RPS6KC1: variants seen among roughly 807,000 people sequenced by gnomAD.
RPS6KC1 encodes the protein inactive ribosomal protein S6 kinase delta-1.
Under a neutral mutation model 103.8 loss-of-function variants are expected in RPS6KC1, and 54 were observed. The observed-to-expected ratio is 0.52, with a 90% CI of 0.42 to 0.65. The LOEUF is 0.65. Among genes scored for constraint, RPS6KC1 ranks in the 30% least tolerant of loss-of-function variants. The probability of loss-of-function intolerance (pLI) is 0.00; values close to 1 mark genes in which losing one functional copy is unlikely to be tolerated. For synonymous variants in RPS6KC1, 439 were observed against 438.7 expected (o/e 1.00, Z -0.01); for missense variants, 1,151 against 1,253.8 (o/e 0.92, Z 1.24).
chr1:213,077,731 A>G lies in RPS6KC1; in HGVS notation c.177A>G (p.Lys59=), dbSNP rs767730529. 2.0e-6 allele frequency: 3 copies of G among 1,512,278 alleles called. No homozygotes were observed. The highest frequency in any genetic ancestry group is 1.7e-4 in the Middle Eastern group (1 of 5,844). 93.7% of individuals were successfully genotyped at this position (1,512,278 alleles called of 1,614,324 possible). A position where few individuals can be genotyped will look rare whatever the true frequency, so the allele number is the denominator to read the frequency against. ...IVWKRYSDFK[K]LHKELWQIHK... is the part of the protein sequence containing the mutation. ...GGAAGAGATACAGTGATTTTAAGAA[A>G]CTACACAAAGAACTATGGCAAATTC... Residue 59 remains lysine, a synonymous_variant, in exon 3 of 15, where the codon AAA becomes AAG. Transcript: ENST00000366960.
chr1:213,739,169 C>T, the RPS6KC1 span, among the ~76,000 whole-genome samples: 6 of 151,980 alleles, frequency 3.9e-5, no homozygotes, highest in South Asian at 4.2e-4. Context: ...AGTGTGAAGG[C>T]GATGAGAATA....
At chr1:213,698,045 T>C in the RPS6KC1 span, among the ~76,000 whole-genome samples, 1 of 152,202 alleles carries the variant, frequency 6.6e-6, no homozygotes, top group Non-Finnish European at 1.5e-5. Flanking sequence ...AGTTTTTCAT[T>C]GTACAGACCA....
At chr1:213,310,007 A>G in the RPS6KC1 span, among the ~76,000 whole-genome samples, 1 of 152,052 alleles carries the variant, frequency 6.6e-6, no homozygotes, top group Non-Finnish European at 1.5e-5. Context: ...GTCATTCCCC[A>G]CATTCCACCT....
intron 6 of RPS6KC1, among the ~76,000 whole-genome samples, chr1:213,163,407 T>C (rs1279150258): frequency 6.6e-6 from 1 of 152,214 alleles, no homozygotes; most frequent in Non-Finnish European, 1.5e-5. Flanking sequence ...GGGGATTAAC[T>C]TCTGTGCATG....
At chr1:213,254,906 G>T (rs534368631) in intron 12 of RPS6KC1, among the ~76,000 whole-genome samples, 17 of 152,248 alleles carry the variant, frequency 1.1e-4, no homozygotes, top group South Asian at 2.1e-4. Context: ...GAATGTAGCG[G>T]TAGGGAATGG....
At chr1:213,250,548 T>G (rs1318715255) in intron 12 of RPS6KC1, among the ~76,000 whole-genome samples, 1 of 152,206 alleles carries the variant, frequency 6.6e-6, no homozygotes, top group Non-Finnish European at 1.5e-5. Flanking sequence ...CAGGCTCTAG[T>G]TAGTCTATCA....
the RPS6KC1 span, among the ~76,000 whole-genome samples, chr1:213,756,949 T>G: frequency 1.3e-5 from 2 of 152,186 alleles, no homozygotes; most frequent in African/African-American, 4.8e-5. Flanking sequence ...TATAGTGATC[T>G]GCAATCAGTG....
the RPS6KC1 span, among the ~76,000 whole-genome samples, chr1:213,601,838 C>T: frequency 1.3e-5 from 2 of 151,944 alleles, no homozygotes; most frequent in African/African-American, 4.8e-5. Flanking sequence ...ATAAAACTTC[C>T]AGTCTTTATT....
At chr1:213,678,806 GACTAA>G in the RPS6KC1 span, among the ~76,000 whole-genome samples, 2 of 152,320 alleles carry the variant, frequency 1.3e-5, no homozygotes, top group African/African-American at 4.8e-5. Flanking sequence ...GAGTCACGCT[GACTAA>G]ACTAACGAAT....
the RPS6KC1 span, among the ~76,000 whole-genome samples, chr1:213,297,305 T>C: frequency 6.6e-6 from 1 of 152,174 alleles, no homozygotes; most frequent in Non-Finnish European, 1.5e-5. Context: ...ACTAGGGCCA[T>C]ACTAGCATGT....
chr1:213,822,826 G>A, the RPS6KC1 span, among the ~76,000 whole-genome samples: 1 of 152,064 alleles, frequency 6.6e-6, no homozygotes. Context: ...AGTTTCCTGG[G>A]GTTGTTTCCT....
chr1:213,155,228 T>C (rs1019953253), intron 6 of RPS6KC1, among the ~76,000 whole-genome samples: 1 of 152,062 alleles, frequency 6.6e-6, no homozygotes, highest in Admixed American at 6.6e-5. Flanking sequence ...AAGGGAGTGG[T>C]GATGCCAGCC....
At chr1:213,359,653 G>A in the RPS6KC1 span, among the ~76,000 whole-genome samples, 7 of 70,282 alleles carry the variant, frequency 1.0e-4, no homozygotes, top group Admixed American at 1.0e-3. Flanking sequence ...TCCTAGCATC[G>A]ATGGTCTTTA....
At chr1:213,190,683 T>G (rs1027321931) in intron 8 of RPS6KC1, among the ~76,000 whole-genome samples, 2 of 152,242 alleles carry the variant, frequency 1.3e-5, no homozygotes, top group Admixed American at 6.5e-5. Flanking sequence ...ATTTTTGCTT[T>G]GGTTGCCTGC....
the RPS6KC1 span, among the ~76,000 whole-genome samples, chr1:213,539,039 A>C: frequency 1.3e-5 from 2 of 152,210 alleles, no homozygotes; most frequent in Non-Finnish European, 2.9e-5. Context: ...GCTCTTTTGC[A>C]ATGTTGGGTA....
the RPS6KC1 span, among the ~76,000 whole-genome samples, chr1:213,363,604 C>CTT: frequency 4.5e-4 from 38 of 85,172 alleles, 6 homozygotes; most frequent in African/African-American, 2.2e-3. Flanking sequence ...CTTGCTCGCT[C>CTT]GCTTGCTTGC....
the RPS6KC1 span, among the ~76,000 whole-genome samples, chr1:213,640,483 G>C: frequency 5.1e-4 from 77 of 150,818 alleles, no homozygotes; most frequent in African/African-American, 1.8e-3. Flanking sequence ...TCCTCAAGTG[G>C]AAGCTTAGAT....
At chr1:213,172,046 A>T (rs1372393365) in intron 7 of RPS6KC1, among the ~76,000 whole-genome samples, 1 of 152,196 alleles carries the variant, frequency 6.6e-6, no homozygotes, top group Non-Finnish European at 1.5e-5. Context: ...AAGTAACCGT[A>T]TTCTAAATGT....
chr1:213,789,295 G>A, the RPS6KC1 span, among the ~76,000 whole-genome samples: 8 of 151,992 alleles, frequency 5.3e-5, no homozygotes, highest in African/African-American at 7.2e-5. Flanking sequence ...CCCTAACTCC[G>A]GCACCTTGGA....
Sources: gnomAD v4.1 joint callset for allele counts (sites outside exome capture counted in the v4.1 genomes callset) on GRCh38, gnomAD v4.1.1 for gene constraint, MANE v1.5 for transcripts, NCBI Gene and HGNC (gene_info 2026-07-23, HGNC 2026-07-21) for gene names.